The following NDE1 variants were observed in gnomAD, a reference collection of about 807,000 sequenced individuals.
The protein encoded by NDE1 is nudE neurodevelopment protein 1.
Under a neutral mutation model 43.4 loss-of-function variants are expected in NDE1, and 28 were observed. That is an observed-to-expected ratio of 0.65 (90% CI 0.48 to 0.89). The LOEUF (loss-of-function observed/expected upper bound fraction) is 0.89, where lower values mean the gene tolerates loss of function less well. Ranked by LOEUF, NDE1 falls within the 40% of genes least tolerant of loss-of-function variation. The pLI is 0.00. For missense variants in NDE1, 441 were observed against 434.1 expected, an observed-to-expected ratio of 1.02 and a Z score of -0.14; for synonymous variants, 184 against 172.0, an observed-to-expected ratio of 1.07 and a Z score of -0.55.
chr16:15,708,734 G>A (rs1421438601), intron 8 of NDE1: 2 of 1,503,278 alleles, frequency 1.3e-6, no homozygotes, highest in Non-Finnish European at 1.8e-6. Flanking sequence ...GGTGGGCAGA[G>A]GGGCGCATTG....
At chr16:15,670,582 G>A (rs892396840) in intron 3 of NDE1, among the ~76,000 whole-genome samples, 4 of 151,772 alleles carry the variant, frequency 2.6e-5, no homozygotes, top group Non-Finnish European at 5.9e-5. Context: ...ACTTGAACCC[G>A]GGAGGCGGAG....
chr16:15,717,965 C>T lies in NDE1; in HGVS notation c.948-6226C>T, dbSNP rs905415688. On this transcript the variant is annotated intron_variant, in intron 8 of 8. Transcript: ENST00000396354. ...TAGTGCCCACCATGGAACTAGTGCT[C>T]AGTGACATCACCAAGGGCTCACTGG... The T allele has an allele frequency of 3.3e-4, 129 of 392,672 alleles. 1 individual carries two copies. The Middle Eastern group carries it at 4.8e-3, about 15-fold the overall frequency. 24.3% of individuals were successfully genotyped at this position (392,672 alleles called of 1,614,324 possible).
At chr16:15,654,679 G>A (rs2036674654) in intron 1 of NDE1, among the ~76,000 whole-genome samples, 1 of 147,348 alleles carries the variant, frequency 6.8e-6, no homozygotes. Context: ...CAGTCAGTCA[G>A]TTTGCAACCC....
chr16:15,691,383 CTG>C (rs1172923841), intron 6 of NDE1, 60 bp downstream of exon 6: 1 of 1,565,910 alleles, frequency 6.4e-7, no homozygotes, highest in African/African-American at 1.4e-5. Context: ...GGGTAAGAAT[CTG>C]GGGTGGGTCC....
At chr16:15,656,273 C>T (rs2036763281) in intron 1 of NDE1, among the ~76,000 whole-genome samples, 1 of 152,190 alleles carries the variant, frequency 6.6e-6, no homozygotes, top group Middle Eastern at 3.4e-3. Flanking sequence ...AAATGCTGTT[C>T]CTGTGGTTTT....
intron 3 of NDE1, among the ~76,000 whole-genome samples, chr16:15,672,972 G>C (rs2037675844): frequency 6.6e-6 from 1 of 152,128 alleles, no homozygotes; most frequent in Admixed American, 6.6e-5. Flanking sequence ...TTCCAACGCT[G>C]TAAATCATCT....
At chr16:15,695,575 G>A in intron 7 of NDE1, 2 of 984,708 alleles carry the variant, frequency 2.0e-6, no homozygotes, top group East Asian at 1.1e-4. Context: ...TACAGGGAGG[G>A]ATCCTTTTGT....
chr16:15,721,846 T>G (rs1307896109), intron 8 of NDE1, among the ~76,000 whole-genome samples: 2 of 152,114 alleles, frequency 1.3e-5, no homozygotes, highest in Non-Finnish European at 2.9e-5. Context: ...TGACTTGTTT[T>G]TTTTTGTTGG....
chr16:15,694,842 GT>G (rs1391587709), intron 7 of NDE1: 32 of 985,190 alleles, frequency 3.2e-5, no homozygotes, highest in Non-Finnish European at 3.9e-5. Flanking sequence ...TGATATGTGT[GT>G]TTTTTCCTTA....
At chr16:15,723,005 A>C (rs1215445713) in intron 8 of NDE1, among the ~76,000 whole-genome samples, 2 of 152,148 alleles carry the variant, frequency 1.3e-5, no homozygotes, top group African/African-American at 4.8e-5. Context: ...CAGCCTCCCA[A>C]AGTGCTAGGA....
At chr16:15,651,779 T>C (rs2036518416) in intron 1 of NDE1, among the ~76,000 whole-genome samples, 1 of 152,066 alleles carries the variant, frequency 6.6e-6, no homozygotes, top group Admixed American at 6.6e-5. Flanking sequence ...GTGTGTTTTG[T>C]GTAGGATTAA....
At chr16:15,649,869 A>C (rs922613833), upstream of NDE1, among the ~76,000 whole-genome samples, 1 of 152,218 alleles carries the variant, frequency 6.6e-6, no homozygotes, top group Non-Finnish European at 1.5e-5. Flanking sequence ...TTTCCTTCTG[A>C]TTTGGAGAAA....
chr16:15,685,411 C>G (rs118006838), intron 4 of NDE1, among the ~76,000 whole-genome samples: 1 of 151,944 alleles, frequency 6.6e-6, no homozygotes, highest in Non-Finnish European at 1.5e-5. Flanking sequence ...GCATCATGCA[C>G]GGCTAATTTT....
chr16:15,704,683 C>T (rs775930668), intron 8 of NDE1, among the ~76,000 whole-genome samples: 14 of 152,170 alleles, frequency 9.2e-5, no homozygotes, highest in South Asian at 2.1e-4. Context: ...GGTTAAAAGG[C>T]GAGACAGCAC....
chr16:15,699,915 G>A (rs2039169553), intron 8 of NDE1: 1 of 1,253,166 alleles, frequency 8.0e-7, no homozygotes, highest in Non-Finnish European at 1.0e-6. Context: ...AAGTTAGTTT[G>A]AGAAATAAGA....
intron 1 of NDE1, among the ~76,000 whole-genome samples, chr16:15,659,877 T>C (rs1290905468): frequency 3.3e-5 from 5 of 151,032 alleles, no homozygotes; most frequent in Non-Finnish European, 7.4e-5. Context: ...GCCGCCTGAG[T>C]AGCTGGGACT....
At chr16:15,713,213 T>G (rs539741712) in intron 8 of NDE1, 2 of 152,124 alleles carry the variant, frequency 1.3e-5, no homozygotes, top group African/African-American at 4.8e-5. Flanking sequence ...AATGGAGGTG[T>G]TGGCCTCGGT....
intron 1 of NDE1, among the ~76,000 whole-genome samples, chr16:15,653,360 G>C (rs146152868): frequency 6.6e-6 from 1 of 152,184 alleles, no homozygotes; most frequent in African/African-American, 2.4e-5. Context: ...AGCCAGGCTT[G>C]CTGACTCTTG....
At chr16:15,694,390 G>A in intron 7 of NDE1, 134 bp downstream of exon 7, 1 of 1,530,402 alleles carries the variant, frequency 6.5e-7, no homozygotes. Flanking sequence ...CTGTTGCTCA[G>A]GCTGGAGTGT....
Sources: allele counts gnomAD v4.1 joint callset (sites outside exome capture counted in the v4.1 genomes callset), GRCh38; gene constraint gnomAD v4.1.1; transcripts MANE v1.5; gene names NCBI Gene and HGNC (gene_info 2026-07-23, HGNC 2026-07-21).